CD99L2: variants seen among roughly 807,000 people sequenced by gnomAD.
The protein encoded by CD99L2 is CD99 antigen-like protein 2.
CD99L2 carries 24 observed loss-of-function variants against 27.3 expected under a neutral mutation model. The observed-to-expected ratio is 0.88, with a 90% CI of 0.64 to 1.24. CD99L2 has a LOEUF of 1.24. CD99L2 is among the 50% of genes most tolerant of loss of function. CD99L2 has a pLI of 0.00. For synonymous variants in CD99L2, 97 were observed against 87.9 expected, an observed-to-expected ratio of 1.10 and a Z score of -0.58; for missense variants, 255 against 221.6, an observed-to-expected ratio of 1.15 and a Z score of -0.96.
intron 1 of CD99L2, among the ~76,000 whole-genome samples, chrX:150,891,437 C>T (rs1448757694): frequency 8.9e-6 from 1 of 111,916 alleles, no homozygotes; most frequent in East Asian, 2.8e-4. Flanking sequence ...AATGGCCAGG[C>T]GAGTCCTTCC....
chrX:150,819,806 G>T (rs781860630), intron 2 of CD99L2, among the ~76,000 whole-genome samples: 12 of 111,824 alleles, frequency 1.1e-4, no homozygotes, highest in Non-Finnish European at 2.3e-4. Context: ...GACTTGAGAA[G>T]AAATAGAAAA....
At chrX:150,848,113 C>A (rs1239865694) in intron 1 of CD99L2, among the ~76,000 whole-genome samples, 7 of 101,343 alleles carry the variant, frequency 6.9e-5, no homozygotes, top group South Asian at 9.6e-4. Context: ...GCCTGCAGGC[C>A]CCCCCCCCCT....
At chrX:150,847,862 C>G (rs1006659800) in intron 1 of CD99L2, among the ~76,000 whole-genome samples, 2 of 111,245 alleles carry the variant, frequency 1.8e-5, no homozygotes, top group Admixed American at 9.6e-5. Context: ...ATGCACAAAG[C>G]CCACCACTTT....
Position 150,770,359 on chromosome X carries a change from G to A in CD99L2, c.666C>T (p.Asn222=), listed in dbSNP as rs781823021. ...GGTTCTCTCCCTTCACGTAGTCTGC[G>A]TTGAGACCCTCTGCAAAGGGAAAAG... is the stretch of plus-strand genomic sequence containing the variant. ...KFCFSIQQGL[N]ADYVKGENLE... The change falls in exon 10 of 11, where the codon AAC becomes AAT. Residue 222 remains asparagine, a synonymous_variant. Coordinates refer to ENST00000370377, the MANE Select transcript of CD99L2 (RefSeq NM_031462.4). The A allele has an allele frequency of 3.1e-5, 38 of 1,209,619 alleles. No homozygotes were observed. The highest frequency in any genetic ancestry group is 2.8e-4 in the African/African-American group (16 of 57,235).
intron 1 of CD99L2, among the ~76,000 whole-genome samples, chrX:150,833,420 AT>A (rs1199907841): frequency 2.7e-5 from 3 of 112,053 alleles, no homozygotes; most frequent in Non-Finnish European, 5.6e-5. Flanking sequence ...TTTTATCAAA[AT>A]TCCAATGTCA....
At chrX:150,778,684 AAATATATAT>A (rs1311663466) in intron 7 of CD99L2, among the ~76,000 whole-genome samples, 2 of 23,590 alleles carry the variant, frequency 8.5e-5, no homozygotes, top group South Asian at 2.9e-3. Context: ...AAAAAAAAAA[AAATATATAT>A]ATATATATAT....
chrX:150,838,919 G>T (rs56965494), intron 1 of CD99L2, among the ~76,000 whole-genome samples: 1,253 of 46,161 alleles, frequency 0.027, 9 homozygotes, highest in South Asian at 0.056. Flanking sequence ...AAAAAAAAAT[G>T]GGGGGGGGGG....
rs782699573 is a variant in CD99L2, at chrX:150,768,904, G to A, written c.*130C>T. On this transcript the variant is annotated 3_prime_UTR_variant, in exon 11 of 11. Coordinates refer to ENST00000370377, the MANE Select transcript of CD99L2 (RefSeq NM_031462.4). ...ACTCACAAACACCCAGAGCTCATCC[G>A]GGAAACTCAGACCAACAAGGAGCCG... 41 of 1,058,839 alleles carry A rather than the reference G, an allele frequency of 3.9e-5. No individual in the cohort carries two copies. Among genetic ancestry groups the A allele is most frequent in the Middle Eastern group, 3.4e-4 (1 of 2,939 alleles). 87.3% of individuals were successfully genotyped at this position (1,058,839 alleles called of 1,213,427 possible).
chrX:150,885,491 T>C (rs1557422602), intron 1 of CD99L2, among the ~76,000 whole-genome samples: 1 of 112,423 alleles, frequency 8.9e-6, no homozygotes, highest in African/African-American at 3.2e-5. Context: ...ATGCCAATAA[T>C]GTGAAATACA....
intron 7 of CD99L2, among the ~76,000 whole-genome samples, chrX:150,781,854 T>G (rs2045517125): frequency 9.0e-6 from 1 of 111,698 alleles, no homozygotes; most frequent in Non-Finnish European, 1.9e-5. Flanking sequence ...ACTGAGAAAG[T>G]TGTGAATAAG....
At chrX:150,858,933 C>A (rs1264090685) in intron 1 of CD99L2, among the ~76,000 whole-genome samples, 3 of 111,009 alleles carry the variant, frequency 2.7e-5, no homozygotes, top group African/African-American at 9.8e-5. Flanking sequence ...ATTGATAAAC[C>A]AATTTTGCTA....
chrX:150,796,872 T>C (rs2045805245), intron 4 of CD99L2, among the ~76,000 whole-genome samples: 1 of 112,148 alleles, frequency 8.9e-6, no homozygotes, highest in South Asian at 3.7e-4. Flanking sequence ...AACATTTGGA[T>C]ATTAAACAAC....
intron 7 of CD99L2, among the ~76,000 whole-genome samples, chrX:150,790,172 T>C (rs1486207549): frequency 1.8e-5 from 2 of 109,226 alleles, no homozygotes; most frequent in African/African-American, 6.7e-5. Context: ...AAATCAGTGG[T>C]TGCGCTAATA....
At chrX:150,805,573 T>C (rs1232521191) in intron 4 of CD99L2, among the ~76,000 whole-genome samples, 2 of 111,332 alleles carry the variant, frequency 1.8e-5, no homozygotes, top group African/African-American at 3.3e-5. Flanking sequence ...CCCACAGAAA[T>C]GAAGAGTCAT....
At chrX:150,883,313 C>A (rs368580380) in intron 1 of CD99L2, among the ~76,000 whole-genome samples, 8 of 112,223 alleles carry the variant, frequency 7.1e-5, no homozygotes, top group Admixed American at 3.8e-4. Flanking sequence ...GGACATCTGC[C>A]AATCTGGACA....
At chrX:150,843,436 T>A (rs2046652763) in intron 1 of CD99L2, among the ~76,000 whole-genome samples, 2 of 109,650 alleles carry the variant, frequency 1.8e-5, no homozygotes, top group South Asian at 8.0e-4. Flanking sequence ...GATCATGAGG[T>A]CAGGAGTTAT....
rs1480957915 is a variant in CD99L2, at chrX:150,768,792, C to T, written c.*242G>A. 2.5e-5 allele frequency: 18 copies of T among 729,997 alleles called. No individual in the cohort carries two copies. The highest frequency in any genetic ancestry group is 2.4e-4 in the South Asian group (4 of 16,461). 60.2% of individuals were successfully genotyped at this position (729,997 alleles called of 1,213,427 possible). ...TGGGAGTTGGTGGCTCAGCAGCTCC[C>T]GAGGCTGGTGCTGGCTTTCTATCAG... On this transcript the variant is annotated 3_prime_UTR_variant, in exon 11 of 11. Transcript: ENST00000370377.
chrX:150,837,987 G>A (rs73609596), intron 1 of CD99L2, among the ~76,000 whole-genome samples: 10,167 of 111,826 alleles, frequency 0.091, 660 homozygotes, highest in African/African-American at 0.23. Flanking sequence ...AACACTACCT[G>A]AGCCGGGTGA....
intron 7 of CD99L2, among the ~76,000 whole-genome samples, chrX:150,778,715 A>C (rs1160636916): frequency 6.8e-5 from 7 of 102,625 alleles, no homozygotes; most frequent in Non-Finnish European, 1.4e-4. Context: ...TATATAAATA[A>C]AAGATTCCTG....
Sources: gnomAD v4.1 joint callset for allele counts (sites outside exome capture counted in the v4.1 genomes callset) on GRCh38, gnomAD v4.1.1 for gene constraint, MANE v1.5 for transcripts, NCBI Gene and HGNC (gene_info 2026-07-23, HGNC 2026-07-21) for gene names.